ITPR1: variants seen among roughly 807,000 people sequenced by gnomAD.
ITPR1 encodes the protein inositol 1,4,5-trisphosphate-gated calcium channel ITPR1.
ITPR1 carries 96 observed loss-of-function variants against 318.4 expected under a neutral mutation model. The observed-to-expected ratio is 0.30, with a 90% CI of 0.26 to 0.36. The LOEUF (loss-of-function observed/expected upper bound fraction) is 0.36, where lower values mean the gene tolerates loss of function less well. ITPR1 is among the 10% of genes least tolerant of loss of function. ITPR1 has a pLI of 1.00. For synonymous variants in ITPR1, 1,312 were observed against 1,289.9 expected, an observed-to-expected ratio of 1.02 and a Z score of -0.37; for missense variants, 2,440 against 3,460.2, an observed-to-expected ratio of 0.71 and a Z score of 7.40.
intron 4 of ITPR1, among the ~76,000 whole-genome samples, chr3:4,550,722 A>T (rs1394454022): frequency 6.6e-6 from 1 of 152,090 alleles, no homozygotes; most frequent in African/African-American, 2.4e-5. Context: ...TCTACAAAAA[A>T]TTAAAAAGTT....
chr3:4,605,197 C>T (rs2091615935), intron 4 of ITPR1, among the ~76,000 whole-genome samples: 1 of 152,134 alleles, frequency 6.6e-6, no homozygotes, highest in African/African-American at 2.4e-5. Context: ...GTCTAGAACT[C>T]CACCTCGGCC....
At chr3:4,629,791 GAT>G (rs942776436) in intron 5 of ITPR1, among the ~76,000 whole-genome samples, 5 of 152,200 alleles carry the variant, frequency 3.3e-5, no homozygotes, top group Non-Finnish European at 7.4e-5. Flanking sequence ...AAGAGGGTGT[GAT>G]ACAGTGGTCA....
At chr3:4,614,078 G>A (rs935383992) in intron 4 of ITPR1, among the ~76,000 whole-genome samples, 1 of 152,092 alleles carries the variant, frequency 6.6e-6, no homozygotes, top group African/African-American at 2.4e-5. Flanking sequence ...CTTTGATTTG[G>A]CATCTTTCAC....
chr3:4,663,021 G>A (rs1399478032), intron 15 of ITPR1, 44 bp from the exon 16 acceptor site: 2 of 1,590,252 alleles, frequency 1.3e-6, no homozygotes, highest in Admixed American at 1.7e-5. Flanking sequence ...CCAGCCTGCT[G>A]AACACTGAAC....
Position 4,590,158 on chromosome 3 carries a change from TCTC to T in ITPR1, c.164-37601_164-37599del, listed in dbSNP as rs557936806. Reference sequence around the variant, plus strand: ...CCTCTAGCTGCTTCCCCCCTTTGTGTCTCCTCTTCGTCTTGCTTTTTTTTTTTT... The same window carrying T: ...CCTCTAGCTGCTTCCCCCCTTTGTGTCTCTTCGTCTTGCTTTTTTTTTTTT... On this transcript the variant is annotated intron_variant, in intron 4 of 61. Coordinates refer to ENST00000649015, the MANE Select transcript of ITPR1 (RefSeq NM_001378452.1). 7.4e-4 allele frequency among the ~76,000 whole-genome samples: 109 copies of T among 147,554 alleles called. 1 individual carries two copies. The highest frequency in any genetic ancestry group is 2.4e-3 in the African/African-American group (98 of 40,220).
chr3:4,529,145 G>T (rs1325977189), intron 4 of ITPR1, among the ~76,000 whole-genome samples: 1 of 152,106 alleles, frequency 6.6e-6, no homozygotes, highest in Non-Finnish European at 1.5e-5. Flanking sequence ...TTACTTTGAT[G>T]CCCTGGATCC....
intron 37 of ITPR1, among the ~76,000 whole-genome samples, chr3:4,708,603 C>A (rs1028941595): frequency 3.4e-4 from 52 of 152,342 alleles, no homozygotes; most frequent in Admixed American, 2.9e-3. Flanking sequence ...CTCGCCTGCT[C>A]AAATGAAACA....
intron 18 of ITPR1, among the ~76,000 whole-genome samples, chr3:4,669,161 T>G (rs2094017608): frequency 1.3e-5 from 2 of 152,254 alleles, no homozygotes; most frequent in African/African-American, 4.8e-5. Context: ...TTATCTCATT[T>G]AATCCGCAGG....
At chr3:4,790,522 A>G (rs778408487) in intron 52 of ITPR1, among the ~76,000 whole-genome samples, 3 of 152,232 alleles carry the variant, frequency 2.0e-5, no homozygotes, top group Non-Finnish European at 4.4e-5. Context: ...TGAAAATAAT[A>G]ACTGAATTAA....
Position 4,639,485 on chromosome 3 carries a change from C to T in ITPR1, c.366+15C>T, listed in dbSNP as rs145989158. 18 of 1,535,650 alleles carry T rather than the reference C, an allele frequency of 1.2e-5. No homozygotes were observed. The Middle Eastern group carries it at 2.4e-3, about 201-fold the overall frequency. On this transcript the variant is annotated intron_variant, in intron 6 of 61. Transcript: ENST00000649015. Reference sequence around the variant, plus strand: ...ATGTGATCCAGGTAGGTCAAGGCAGCTCTTCCCTTCTGAAGCTGAAGCGTT... The same window carrying T: ...ATGTGATCCAGGTAGGTCAAGGCAGTTCTTCCCTTCTGAAGCTGAAGCGTT...
chr3:4,738,572 T>C (rs1168909885), intron 44 of ITPR1, among the ~76,000 whole-genome samples: 1 of 152,164 alleles, frequency 6.6e-6, no homozygotes, highest in East Asian at 1.9e-4. Flanking sequence ...TGAAGTATAG[T>C]GGCTGGTGGG....
At position 4,814,502 on chromosome 3, in the gene ITPR1, G is replaced by T. The variant is rs369547064; in HGVS notation, c.7641G>T (p.Leu2547=). The T allele has an allele frequency of 4.3e-6, 7 of 1,612,886 alleles. No homozygotes were observed. The African/African-American group carries it at 8.0e-5, about 19-fold the overall frequency. Residue 2547 remains leucine (L), a synonymous_variant, in exon 58 of 62, where the codon CTG becomes CTT. Transcript: ENST00000649015. ...ETLLMCIVTV[L]SHGLRSGGGV... ...TGCTGATGTGCATTGTCACTGTGCT[G>T]AGTCACGGGCTGCGGAGCGGGGGTG...
At chr3:4,609,526 A>G (rs2091948448) in intron 4 of ITPR1, among the ~76,000 whole-genome samples, 1 of 152,112 alleles carries the variant, frequency 6.6e-6, no homozygotes, top group Admixed American at 6.5e-5. Flanking sequence ...GGTACGTTGA[A>G]TATGTACAGA....
chr3:4,581,996 G>A (rs1427643125), intron 4 of ITPR1, among the ~76,000 whole-genome samples: 1 of 151,696 alleles, frequency 6.6e-6, no homozygotes, highest in Non-Finnish European at 1.5e-5. Context: ...TCACAGGTTA[G>A]GGTAACCAGA....
At chr3:4,818,330 C>A in intron 60 of ITPR1, 88 bp downstream of exon 60, 1 of 1,059,592 alleles carries the variant, frequency 9.4e-7, no homozygotes, top group Non-Finnish European at 1.3e-6. Flanking sequence ...GGGAGCTGCA[C>A]AACAGAAGAA....
At chr3:4,813,853 A>G (rs965158760) in intron 57 of ITPR1, among the ~76,000 whole-genome samples, 1 of 152,184 alleles carries the variant, frequency 6.6e-6, no homozygotes, top group African/African-American at 2.4e-5. Flanking sequence ...TTGTTGGAAG[A>G]TGAGTGATGA....
intron 4 of ITPR1, among the ~76,000 whole-genome samples, chr3:4,615,812 G>T (rs2092365964): frequency 6.6e-6 from 1 of 152,144 alleles, no homozygotes; most frequent in African/African-American, 2.4e-5. Context: ...GTTTCCAGTT[G>T]ATTAATGTGT....
rs2051841129 is a variant in ITPR1 at position 4,847,129 on chromosome 3, G to GTT, written c.*906_*907dup. 1 of 152,554 alleles carries GTT rather than the reference G, an allele frequency of 6.6e-6. No homozygotes were observed. Among genetic ancestry groups the GTT allele is most frequent in the South Asian group, 2.1e-4 (1 of 4,834 alleles). 9.5% of individuals were successfully genotyped at this position (152,554 alleles called of 1,614,324 possible). A position where few individuals can be genotyped will look rare whatever the true frequency, so the allele number is the denominator to read the frequency against. On this transcript the variant is annotated 3_prime_UTR_variant, in exon 62 of 62. Transcript: ENST00000649015. The stretch of plus-strand genomic sequence containing the variant: ...TAGATTATCTAGTCCAAACAATAGA[G>GTT]TTTATTTTTTCTTCATCTGAACCAA...
chr3:4,540,687 A>G (rs1575464907), intron 4 of ITPR1, among the ~76,000 whole-genome samples: 6 of 152,116 alleles, frequency 3.9e-5, no homozygotes, highest in Admixed American at 3.9e-4. Context: ...TCCTGGGTTC[A>G]AGTGGTTCTC....
Sources: gnomAD v4.1 joint callset for allele counts (sites outside exome capture counted in the v4.1 genomes callset) on GRCh38, gnomAD v4.1.1 for gene constraint, MANE v1.5 for transcripts, NCBI Gene and HGNC (gene_info 2026-07-23, HGNC 2026-07-21) for gene names.